The following AOPEP variants were observed in gnomAD, a reference collection of about 807,000 sequenced individuals.
The protein encoded by AOPEP is aminopeptidase O (putative), also known as aminopeptidase O.
A neutral mutation model predicts 98.1 loss-of-function variants in AOPEP; 77 were observed. That is an observed-to-expected ratio of 0.78 (90% CI 0.65 to 0.95). The LOEUF (loss-of-function observed/expected upper bound fraction) is 0.95. Ranked by LOEUF, AOPEP falls within the 40% of genes least tolerant of loss-of-function variation. The pLI is 0.00. For synonymous variants in AOPEP, 346 were observed against 365.3 expected (o/e 0.95, Z 0.60); for missense variants, 1,024 against 1,024.7 (o/e 1.00, Z 0.01).
At chr9:95,085,242 C>A in intron 16 of AOPEP, 1 of 495,188 alleles carries the variant, frequency 2.0e-6, no homozygotes, top group Non-Finnish European at 4.2e-6. Context: ...TCCTGGCATG[C>A]TGATTTGTGA....
At chr9:94,955,576 GA>G (rs1190927853) in intron 8 of AOPEP, among the ~76,000 whole-genome samples, 1 of 152,188 alleles carries the variant, frequency 6.6e-6, no homozygotes, top group Non-Finnish European at 1.5e-5. Context: ...ACATGGGTGA[GA>G]AGGAAGTGTT....
At chr9:94,855,555 C>T (rs569439149) in intron 5 of AOPEP, among the ~76,000 whole-genome samples, 2 of 152,166 alleles carry the variant, frequency 1.3e-5, no homozygotes, top group South Asian at 4.1e-4. Context: ...GACGTGATGG[C>T]GCATGCCTGT....
At chr9:94,955,787 G>A in intron 8 of AOPEP, 121 bp from the exon 9 acceptor site, 2 of 643,754 alleles carry the variant, frequency 3.1e-6, no homozygotes, top group South Asian at 4.2e-5. Context: ...GCCAGGGACA[G>A]GTAGGACGGC....
At chr9:94,869,889 T>C (rs1284642686) in intron 5 of AOPEP, among the ~76,000 whole-genome samples, 3 of 151,838 alleles carry the variant, frequency 2.0e-5, no homozygotes, top group Non-Finnish European at 2.9e-5. Context: ...CATTATCAAA[T>C]TGATTTCTCC....
the AOPEP span, among the ~76,000 whole-genome samples, chr9:95,138,647 G>A: frequency 6.6e-6 from 1 of 152,192 alleles, no homozygotes; most frequent in South Asian, 2.1e-4. Context: ...TGCAGTGAGA[G>A]GTCTTCTGCC....
chr9:94,991,500 A>G (rs1219656074), intron 11 of AOPEP, among the ~76,000 whole-genome samples: 2 of 152,224 alleles, frequency 1.3e-5, no homozygotes, highest in Non-Finnish European at 2.9e-5. Context: ...TGGCAGAGCT[A>G]TGGCTTGAGT....
intron 5 of AOPEP, among the ~76,000 whole-genome samples, chr9:94,813,589 G>A (rs986878977): frequency 6.6e-6 from 1 of 152,150 alleles, no homozygotes; most frequent in Non-Finnish European, 1.5e-5. Flanking sequence ...CCCCTCCCAT[G>A]ATTTTCCACC....
the AOPEP span, among the ~76,000 whole-genome samples, chr9:95,097,205 C>G: frequency 6.6e-6 from 1 of 152,218 alleles, no homozygotes; most frequent in East Asian, 1.9e-4. Flanking sequence ...GGCTGCTGGG[C>G]TGTTTCATGG....
At chr9:94,785,504 C>G (rs994272371) in intron 3 of AOPEP, among the ~76,000 whole-genome samples, 1 of 152,186 alleles carries the variant, frequency 6.6e-6, no homozygotes, top group African/African-American at 2.4e-5. Context: ...GAACTCTGGT[C>G]TCTTTCTGAG....
At chr9:94,993,282 C>T (rs1232747711) in intron 11 of AOPEP, among the ~76,000 whole-genome samples, 2 of 152,154 alleles carry the variant, frequency 1.3e-5, no homozygotes, top group South Asian at 4.2e-4. Flanking sequence ...TATTTATGCC[C>T]GTTGCCTAAA....
chr9:95,024,273 T>C (rs575583603), intron 13 of AOPEP, among the ~76,000 whole-genome samples: 3 of 152,308 alleles, frequency 2.0e-5, no homozygotes, highest in African/African-American at 7.2e-5. Context: ...GAATGAATCA[T>C]GAGAAAAATG....
intron 13 of AOPEP, chr9:95,048,780 T>A (rs1255602451): frequency 6.6e-6 from 1 of 152,196 alleles, no homozygotes; most frequent in Non-Finnish European, 1.5e-5. Flanking sequence ...TTCAAGGGCA[T>A]AGGCGTCGGA....
the AOPEP span, among the ~76,000 whole-genome samples, chr9:95,104,250 T>C: frequency 6.6e-6 from 1 of 152,178 alleles, no homozygotes; most frequent in Non-Finnish European, 1.5e-5. Context: ...TCAATAAAGA[T>C]GGTTTCAAAA....
chr9:94,776,527 C>T (rs1275001667), intron 3 of AOPEP, among the ~76,000 whole-genome samples: 7 of 152,186 alleles, frequency 4.6e-5, no homozygotes, highest in African/African-American at 1.7e-4. Context: ...GGCTCGAACT[C>T]CTGAGCTAAG....
At chr9:94,783,129 T>C (rs552301862) in intron 3 of AOPEP, among the ~76,000 whole-genome samples, 1 of 152,250 alleles carries the variant, frequency 6.6e-6, no homozygotes, top group South Asian at 2.1e-4. Context: ...AAGGTCAGAG[T>C]GGCCGGTGAG....
chr9:95,135,437 T>G, the AOPEP span: 1 of 1,614,028 alleles, frequency 6.2e-7, no homozygotes, highest in Non-Finnish European at 8.5e-7. Context: ...CATTGCTTTT[T>G]CAAGGCTGGG....
intron 5 of AOPEP, among the ~76,000 whole-genome samples, chr9:94,865,248 G>T (rs1212198292): frequency 2.6e-5 from 4 of 152,194 alleles, no homozygotes; most frequent in South Asian, 4.2e-4. Flanking sequence ...AACAAATGAG[G>T]ACTTAGGAAA....
chr9:94,967,968 G>T (rs2059309588), intron 10 of AOPEP, among the ~76,000 whole-genome samples, 167 bp downstream of exon 10: 1 of 152,080 alleles, frequency 6.6e-6, no homozygotes, highest in African/African-American at 2.4e-5. Context: ...CCAACCTTTG[G>T]GATGAGCCCC....
chr9:95,123,218 G>A, the AOPEP span: 2 of 205,344 alleles, frequency 9.7e-6, no homozygotes, highest in African/African-American at 2.4e-5. Context: ...TGGGGGGATC[G>A]CTTGAGCCCA....
Sources: allele counts gnomAD v4.1 joint callset (sites outside exome capture counted in the v4.1 genomes callset), GRCh38; gene constraint gnomAD v4.1.1; transcripts MANE v1.5; gene names NCBI Gene and HGNC (gene_info 2026-07-23, HGNC 2026-07-21).